The following PHF14 variants were observed in gnomAD, a reference collection of about 807,000 sequenced individuals.
The protein encoded by PHF14 is PHD finger protein 14.
Under a neutral mutation model 117.9 loss-of-function variants are expected in PHF14, and 55 were observed. The ratio of observed to expected loss-of-function variants is 0.47; its 90% confidence interval spans 0.38 to 0.58. The LOEUF is 0.58. PHF14 is among the 20% of genes least tolerant of loss of function. The pLI is 0.00. For synonymous variants in PHF14, 409 were observed against 368.6 expected (o/e 1.11, Z -1.26); for missense variants, 978 against 1,122.2 (o/e 0.87, Z 1.84).
At chr7:11,045,451 A>G (rs556439343) in intron 13 of PHF14, among the ~76,000 whole-genome samples, 1 of 152,302 alleles carries the variant, frequency 6.6e-6, no homozygotes, top group East Asian at 1.9e-4. Flanking sequence ...AGCCTGTGGT[A>G]GCACCCTTAC....
At chr7:11,061,192 G>A (rs1275182463) in intron 14 of PHF14, 1 of 152,130 alleles carries the variant, frequency 6.6e-6, no homozygotes, top group Admixed American at 6.6e-5. Flanking sequence ...CTTTCAAATG[G>A]TAAATGTATT....
chr7:11,029,600 G>A (rs1011636324), intron 7 of PHF14, among the ~76,000 whole-genome samples: 3 of 151,982 alleles, frequency 2.0e-5, no homozygotes, highest in Non-Finnish European at 2.9e-5. Flanking sequence ...TGTATACTTC[G>A]GTAATGGACC....
chr7:11,100,807 C>A (rs1349407720), intron 16 of PHF14, among the ~76,000 whole-genome samples: 1 of 151,944 alleles, frequency 6.6e-6, no homozygotes, highest in East Asian at 1.9e-4. Flanking sequence ...GCAGTCTTAA[C>A]CATACAGTTC....
intron 7 of PHF14, among the ~76,000 whole-genome samples, chr7:11,030,806 T>TG (rs1277654156): frequency 6.6e-6 from 1 of 152,150 alleles, no homozygotes; most frequent in Admixed American, 6.5e-5. Context: ...GCTGTTGTTT[T>TG]GGGGGGAAAT....
intron 4 of PHF14, among the ~76,000 whole-genome samples, chr7:11,007,028 T>A (rs1188992745): frequency 7.2e-5 from 11 of 151,926 alleles, no homozygotes; most frequent in Non-Finnish European, 4.4e-5. Flanking sequence ...ATACAAAAAA[T>A]TTGCCAGGTG....
chr7:10,998,035 T>C (rs573241297), intron 4 of PHF14, among the ~76,000 whole-genome samples: 1 of 152,050 alleles, frequency 6.6e-6, no homozygotes, highest in Non-Finnish European at 1.5e-5. Flanking sequence ...TGTGTGCTCA[T>C]GGAAGTGACC....
intron 16 of PHF14, among the ~76,000 whole-genome samples, chr7:11,076,142 G>T (rs1160239082): frequency 6.6e-6 from 1 of 152,148 alleles, no homozygotes; most frequent in Non-Finnish European, 1.5e-5. Flanking sequence ...TGCGTAACTA[G>T]AAAGTGTTGG....
At chr7:11,105,268 T>C (rs1562468746) in intron 16 of PHF14, 1 of 953,034 alleles carries the variant, frequency 1.0e-6, no homozygotes, top group Middle Eastern at 5.4e-4. Flanking sequence ...GCTTAAGTGT[T>C]CATCTGATTT....
chr7:11,072,752 G>C (rs1245785770), intron 16 of PHF14, among the ~76,000 whole-genome samples: 1 of 152,188 alleles, frequency 6.6e-6, no homozygotes, highest in East Asian at 1.9e-4. Flanking sequence ...TTGGCTCATA[G>C]TTCTGCAGGC....
At chr7:11,124,475 A>T (rs113510496) in intron 17 of PHF14, among the ~76,000 whole-genome samples, 1,578 of 152,204 alleles carry the variant, frequency 0.01, 25 homozygotes, top group African/African-American at 0.036. Context: ...AAAGTATCAT[A>T]CTAATAATAA....
chr7:11,161,733 A>G (rs1789037236), intron 17 of PHF14, among the ~76,000 whole-genome samples: 1 of 139,208 alleles, frequency 7.2e-6, no homozygotes, highest in African/African-American at 2.6e-5. Flanking sequence ...AAAATATTAT[A>G]TTTTATTTAA....
chr7:11,026,110 A>T (rs941511308), intron 6 of PHF14, among the ~76,000 whole-genome samples: 61,716 of 115,514 alleles, frequency 0.53, 14,939 homozygotes, highest in Middle Eastern at 0.64. Flanking sequence ...AGACTCCATC[A>T]AAAAAAAAAA....
chr7:11,074,967 T>G (rs1401055196), intron 16 of PHF14, among the ~76,000 whole-genome samples: 2 of 150,864 alleles, frequency 1.3e-5, no homozygotes, highest in African/African-American at 4.9e-5. Flanking sequence ...AGATGGAGTC[T>G]TGCTCTGTCA....
intron 4 of PHF14, among the ~76,000 whole-genome samples, chr7:11,010,946 G>T (rs913365069): frequency 8.5e-5 from 13 of 152,132 alleles, no homozygotes; most frequent in Admixed American, 6.5e-4. Flanking sequence ...TGAACTACAC[G>T]CCTTGGCTGA....
chr7:11,112,524 C>A (rs1215011300), intron 17 of PHF14, among the ~76,000 whole-genome samples: 7 of 152,032 alleles, frequency 4.6e-5, no homozygotes, highest in African/African-American at 1.7e-4. Flanking sequence ...GTAATCCCAG[C>A]ACTTTGGGAG....
chr7:11,156,781 A>T (rs547769025), intron 17 of PHF14, among the ~76,000 whole-genome samples: 26 of 152,246 alleles, frequency 1.7e-4, no homozygotes, highest in Non-Finnish European at 3.4e-4. Flanking sequence ...TCATAGAGCG[A>T]GACTGTCTCA....
rs535551232 is a variant in PHF14 at position 11,103,712 on chromosome 7, G to A, written c.2655-7638G>A. 231 of 984,142 alleles carry A rather than the reference G, an allele frequency of 2.3e-4. 1 individual carries two copies. The highest frequency in any genetic ancestry group is 2.6e-4 in the Non-Finnish European group (217 of 828,518). 61.0% of individuals were successfully genotyped at this position (984,142 alleles called of 1,614,324 possible). Reference sequence around the variant, plus strand: ...AAACTTTAGGAATAGAGTAGGTAATGTTATAGATAATCAAAAGCAATTGTA... The same window carrying A: ...AAACTTTAGGAATAGAGTAGGTAATATTATAGATAATCAAAAGCAATTGTA... On this transcript the variant is annotated intron_variant, in intron 16 of 17. Coordinates refer to ENST00000634607, the MANE Select transcript of PHF14 (RefSeq NM_001007157.2).
chr7:11,070,467 C>T (rs993388675), intron 16 of PHF14, among the ~76,000 whole-genome samples: 11 of 152,206 alleles, frequency 7.2e-5, no homozygotes, highest in Non-Finnish European at 1.5e-4. Context: ...TTTCTTTAGT[C>T]ATGCTGGCCT....
intron 17 of PHF14, among the ~76,000 whole-genome samples, chr7:11,162,504 A>T (rs552211942): frequency 6.6e-6 from 1 of 152,116 alleles, no homozygotes; most frequent in Non-Finnish European, 1.5e-5. Flanking sequence ...ACCCTAACTC[A>T]TACTTATCAT....
Sources: gnomAD v4.1 joint callset for allele counts (sites outside exome capture counted in the v4.1 genomes callset) on GRCh38, gnomAD v4.1.1 for gene constraint, MANE v1.5 for transcripts, NCBI Gene and HGNC (gene_info 2026-07-23, HGNC 2026-07-21) for gene names.